MVB12B: variants seen among roughly 807,000 people sequenced by gnomAD.
MVB12B encodes the protein ESCRT-I complex subunit MVB12B.
A neutral mutation model predicts 41.6 loss-of-function variants in MVB12B; 16 were observed. That is an observed-to-expected ratio of 0.38 (90% confidence interval 0.26 to 0.58). MVB12B has a LOEUF of 0.58. MVB12B is among the 20% of genes least tolerant of loss of function. The pLI is 0.62. For synonymous variants in MVB12B, 133 were observed against 139.7 expected (o/e 0.95, Z 0.34); for missense variants, 274 against 380.2 (o/e 0.72, Z 2.32).
At chr9:126,474,389 C>G (rs1833380973) in intron 7 of MVB12B, among the ~76,000 whole-genome samples, 1 of 152,208 alleles carries the variant, frequency 6.6e-6, no homozygotes, top group African/African-American at 2.4e-5. Context: ...GGAGATGATT[C>G]ATGAACATTC....
intron 9 of MVB12B, among the ~76,000 whole-genome samples, chr9:126,495,639 T>C (rs115879585): frequency 0.023 from 3,568 of 151,920 alleles, 143 homozygotes; most frequent in African/African-American, 0.082. Flanking sequence ...TGTGGCAAAC[T>C]GGAGAGCACA....
intron 9 of MVB12B, among the ~76,000 whole-genome samples, chr9:126,499,598 G>A (rs572069183): frequency 2.6e-5 from 4 of 152,308 alleles, no homozygotes; most frequent in African/African-American, 9.6e-5. Flanking sequence ...CCGTCTCCTG[G>A]GTAAACACGG....
At position 126,340,421 on chromosome 9, in the gene MVB12B, A is replaced by G; in HGVS notation, c.82-87A>G. 2.6e-6 allele frequency: 4 copies of G among 1,515,932 alleles called. No homozygotes were observed. Among genetic ancestry groups the G allele is most frequent in the Non-Finnish European group, 3.6e-6 (4 of 1,105,562 alleles). The allele number at this position is 1,515,932 out of a possible 1,614,324, so 93.9% of individuals were successfully genotyped here. The stretch of plus-strand genomic sequence containing the variant: ...ATGTGAAACTCAGGGTATTTGCCCC[A>G]AGATTCTGGTTCTGTTTGAGACTTT... On this transcript the variant is annotated intron_variant, in intron 1 of 9. Transcript: ENST00000361171. The surrounding 1 kb of genome is among the most constrained non-coding windows in gnomAD (Gnocchi z 4.0).
rs1053441237 is a variant in MVB12B at position 126,455,871 on chromosome 9, T to TTTTC, written c.758-25482_758-25479dup. On this transcript the variant is annotated intron_variant, in intron 7 of 9. Coordinates refer to ENST00000361171, the MANE Select transcript of MVB12B (RefSeq NM_033446.3). ...TAAGACAATAAACTTTGATAGGTCG[T>TTTTC]TTTCTTTCTTTCTTTCTTTTTTTTT... Among the ~76,000 whole-genome samples the TTTTC allele has an allele frequency of 1.8e-3, 262 of 148,088 alleles. 1 individual carries two copies. Among genetic ancestry groups the TTTTC allele is most frequent in the African/African-American group, 4.0e-3 (159 of 39,712 alleles).
intron 2 of MVB12B, among the ~76,000 whole-genome samples, chr9:126,375,261 T>C (rs554383094): frequency 1.3e-5 from 2 of 152,072 alleles, no homozygotes; most frequent in Non-Finnish European, 2.9e-5. Flanking sequence ...ATTTTTTTCT[T>C]GGAATTAATC....
chr9:126,331,847 G>GGAA (rs925744524), intron 1 of MVB12B, among the ~76,000 whole-genome samples: 1 of 152,200 alleles, frequency 6.6e-6, no homozygotes, highest in African/African-American at 2.4e-5. Flanking sequence ...GGGGTCTGAA[G>GGAA]GAAGGGGCGT....
In MVB12B at chr9:126,389,597, A is replaced by G. The variant is rs1830887320; in HGVS notation, c.410-2469A>G. On this transcript the variant is annotated intron_variant, in intron 4 of 9. Transcript: ENST00000361171. The surrounding 1 kb of genome is among the most constrained non-coding windows in gnomAD (Gnocchi z 4.4). ...TTGCTGCAGACGGAAGAATGGAGCC[A>G]AGAGCAGCGTGGCAACAGCAAGTGA... Among the ~76,000 whole-genome samples, 1 of 152,232 alleles carries G rather than the reference A, an allele frequency of 6.6e-6. No homozygotes were observed. Among genetic ancestry groups the G allele is most frequent in the Non-Finnish European group, 1.5e-5 (1 of 68,040 alleles).
At chr9:126,443,613 A>G (rs1278290674) in intron 7 of MVB12B, among the ~76,000 whole-genome samples, 1 of 152,256 alleles carries the variant, frequency 6.6e-6, no homozygotes, top group East Asian at 1.9e-4. Flanking sequence ...CCAGAGAAAC[A>G]GTATTTCAGT....
chr9:126,455,246 G>C (rs4546753), intron 7 of MVB12B, among the ~76,000 whole-genome samples: 15,852 of 151,886 alleles, frequency 0.1, 908 homozygotes, highest in Non-Finnish European at 0.12. Flanking sequence ...GGAGTGCAGT[G>C]GCGTGATCTC....
intron 7 of MVB12B, among the ~76,000 whole-genome samples, chr9:126,476,767 C>G (rs1833429615): frequency 6.7e-6 from 1 of 150,212 alleles, no homozygotes; most frequent in African/African-American, 2.5e-5. Flanking sequence ...GTCCCAGCTA[C>G]TCGGGAGGCT....
intron 9 of MVB12B, among the ~76,000 whole-genome samples, chr9:126,502,598 G>A (rs1243378857): frequency 2.6e-5 from 4 of 152,138 alleles, no homozygotes; most frequent in Non-Finnish European, 5.9e-5. Context: ...CAGCAGGGGT[G>A]CCTCTGAGGA....
At chr9:126,359,825 T>G (rs1829981402) in intron 2 of MVB12B, among the ~76,000 whole-genome samples, 1 of 152,156 alleles carries the variant, frequency 6.6e-6, no homozygotes, top group Non-Finnish European at 1.5e-5. Context: ...AGTTCTTTTT[T>G]TAGTTCTTTC....
intron 6 of MVB12B, among the ~76,000 whole-genome samples, chr9:126,421,049 GT>G (rs1410183867): frequency 6.6e-6 from 1 of 152,000 alleles, no homozygotes; most frequent in African/African-American, 2.4e-5. Context: ...AGGTTTTGTT[GT>G]TTTTTTCCCC....
chr9:126,501,987 G>C (rs1013094129), intron 9 of MVB12B, among the ~76,000 whole-genome samples: 1 of 152,170 alleles, frequency 6.6e-6, no homozygotes, highest in East Asian at 1.9e-4. Context: ...TGGCCTGCCC[G>C]TGTACAGGTG....
At chr9:126,357,021 TA>T (rs533974044) in intron 2 of MVB12B, among the ~76,000 whole-genome samples, 103 of 152,280 alleles carry the variant, frequency 6.8e-4, no homozygotes, top group African/African-American at 2.3e-3. Context: ...AAGAATGGCC[TA>T]ATACAAGCCA....
intron 2 of MVB12B, among the ~76,000 whole-genome samples, chr9:126,374,037 C>T (rs111573582): frequency 6.6e-4 from 100 of 152,310 alleles, no homozygotes; most frequent in Admixed American, 2.5e-3. Flanking sequence ...CTGAACTTTC[C>T]GTGTTAGTGT....
chr9:126,350,021 T>A (rs967820299), intron 2 of MVB12B, among the ~76,000 whole-genome samples: 2 of 152,218 alleles, frequency 1.3e-5, no homozygotes, highest in Non-Finnish European at 2.9e-5. Flanking sequence ...ATTTTTTTGT[T>A]TTAGCCATTC....
chr9:126,371,965 T>C (rs1830352581), intron 2 of MVB12B, among the ~76,000 whole-genome samples: 1 of 152,202 alleles, frequency 6.6e-6, no homozygotes, highest in African/African-American at 2.4e-5. Flanking sequence ...TGCACAACTA[T>C]CACTGCCACC....
intron 2 of MVB12B, among the ~76,000 whole-genome samples, chr9:126,349,653 A>T (rs974551124): frequency 1.3e-5 from 2 of 152,222 alleles, no homozygotes; most frequent in African/African-American, 2.4e-5. Flanking sequence ...TTCTCCTGAG[A>T]TTCATGCAGA....
Sources: allele counts gnomAD v4.1 joint callset (sites outside exome capture counted in the v4.1 genomes callset), GRCh38; gene constraint gnomAD v4.1.1; non-coding constraint Gnocchi (gnomAD v3.1); transcripts MANE v1.5; gene names NCBI Gene and HGNC (gene_info 2026-07-23, HGNC 2026-07-21).